ANKFN1: variants seen among roughly 807,000 people sequenced by gnomAD.
ANKFN1 encodes ankyrin repeat and fibronectin type-III domain-containing protein 1.
In ANKFN1, 74 loss-of-function variants were observed where a neutral mutation model predicts 108.7. The ratio of observed to expected loss-of-function variants is 0.68; its 90% CI spans 0.56 to 0.83. The LOEUF is 0.83. ANKFN1 is among the 40% of genes least tolerant of loss of function. The probability of loss-of-function intolerance (pLI) is 0.00; values close to 1 mark genes in which losing one functional copy is unlikely to be tolerated. For missense variants in ANKFN1, 1,505 were observed against 1,382.3 expected (o/e 1.09, Z -1.41); for synonymous variants, 547 against 516.2 (o/e 1.06, Z -0.81).
chr17:56,311,966 G>T (rs2045041719), intron 3 of ANKFN1, among the ~76,000 whole-genome samples: 1 of 152,196 alleles, frequency 6.6e-6, no homozygotes, highest in Admixed American at 6.5e-5. Context: ...TCTGATCACA[G>T]AATCTAGAAC....
chr17:56,462,421 C>G (rs905434569), intron 14 of ANKFN1, among the ~76,000 whole-genome samples: 6 of 152,088 alleles, frequency 3.9e-5, no homozygotes. Flanking sequence ...ACGGACAAAC[C>G]CCGTCTCTAC....
intron 8 of ANKFN1, among the ~76,000 whole-genome samples, chr17:56,437,615 G>A (rs2048970147): frequency 6.6e-6 from 1 of 151,960 alleles, no homozygotes; most frequent in Non-Finnish European, 1.5e-5. Flanking sequence ...CAAGCATACC[G>A]TTTTTCTTCT....
chr17:56,391,046 G>A lies in ANKFN1; in HGVS notation c.910+16332G>A, dbSNP rs117724827. Among the ~76,000 whole-genome samples the A allele has an allele frequency of 2.1e-3, 316 of 150,604 alleles. 7 individuals carry two copies. In the East Asian group the frequency reaches 0.04, roughly 19 times the overall value. ...TAATATATATAATAAAATATTTCCC[G>A]AATTTAATTTGACCATCACTGCATG... On this transcript the variant is annotated intron_variant, in intron 8 of 20. Coordinates refer to ENST00000682825, the MANE Select transcript of ANKFN1 (RefSeq NM_001370326.1).
intron 11 of ANKFN1, among the ~76,000 whole-genome samples, chr17:56,454,674 G>A (rs2049624885): frequency 6.6e-6 from 1 of 152,130 alleles, no homozygotes; most frequent in African/African-American, 2.4e-5. Flanking sequence ...TCTTAGGCTG[G>A]TCAAATTTTC....
At chr17:56,101,553 T>G (rs1905647104) in intron 4 of ANKFN1, among the ~76,000 whole-genome samples, 1 of 152,214 alleles carries the variant, frequency 6.6e-6, no homozygotes, top group South Asian at 2.1e-4. Context: ...GTGTGCTCTG[T>G]GCACCAGTGC....
intron 1 of ANKFN1, among the ~76,000 whole-genome samples, chr17:56,193,945 T>C (rs1913252169): frequency 1.3e-5 from 2 of 152,344 alleles, no homozygotes; most frequent in South Asian, 4.1e-4. Flanking sequence ...CATACAAGTT[T>C]ATTTAAAAAA....
chr17:56,259,831 A>G (rs971013067), intron 3 of ANKFN1, among the ~76,000 whole-genome samples: 1 of 151,848 alleles, frequency 6.6e-6, no homozygotes, highest in Non-Finnish European at 1.5e-5. Flanking sequence ...TTCAGCATAC[A>G]GTTTCTTTTT....
chr17:56,361,699 C>G (rs977083667), intron 6 of ANKFN1, among the ~76,000 whole-genome samples: 6 of 152,050 alleles, frequency 3.9e-5, no homozygotes, highest in Admixed American at 3.9e-4. Context: ...GGTTATGGCT[C>G]AGTCATAATC....
intron 5 of ANKFN1, 71 bp downstream of exon 5, chr17:56,351,038 A>G: frequency 6.8e-7 from 1 of 1,470,236 alleles, no homozygotes; most frequent in Middle Eastern, 1.8e-4. Context: ...GGATATTCTA[A>G]GATGATTCAT....
intron 8 of ANKFN1, among the ~76,000 whole-genome samples, chr17:56,414,827 T>C (rs2048193198): frequency 6.6e-6 from 1 of 152,110 alleles, no homozygotes; most frequent in African/African-American, 2.4e-5. Flanking sequence ...GAGACCAGCC[T>C]GGGCAACATG....
At chr17:56,321,347 G>T (rs996966431) in intron 3 of ANKFN1, among the ~76,000 whole-genome samples, 2 of 151,842 alleles carry the variant, frequency 1.3e-5, no homozygotes, top group South Asian at 2.1e-4. Flanking sequence ...CCTAAGGAAG[G>T]TCAAGAGATT....
At position 56,349,910 on chromosome 17, in the gene ANKFN1, C is replaced by T. The variant is rs181564550; in HGVS notation, c.189-856C>T. Among the ~76,000 whole-genome samples the T allele has an allele frequency of 1.4e-4, 21 of 152,256 alleles. No homozygotes were observed. The East Asian group carries it at 4.0e-3, about 29-fold the overall frequency. On this transcript the variant is annotated intron_variant, in intron 4 of 20. Coordinates refer to ENST00000682825, the MANE Select transcript of ANKFN1 (RefSeq NM_001370326.1). Reference sequence around the variant, plus strand: ...ATAATTACCTTGGCTAGTTATTTCTCTCATTCCTTTGTTCATCCAATACAT... The same window carrying T: ...ATAATTACCTTGGCTAGTTATTTCTTTCATTCCTTTGTTCATCCAATACAT...
intron 4 of ANKFN1, among the ~76,000 whole-genome samples, chr17:56,144,383 G>A (rs1451146928): frequency 6.6e-6 from 1 of 151,776 alleles, no homozygotes; most frequent in Non-Finnish European, 1.5e-5. Flanking sequence ...AGAACTATTG[G>A]GTGATGGGAA....
intron 11 of ANKFN1, 78 bp downstream of exon 11, chr17:56,449,264 T>C (rs2145201247): frequency 3.2e-6 from 3 of 947,288 alleles, no homozygotes; most frequent in Non-Finnish European, 4.8e-6. Context: ...CCTAACTGGG[T>C]CATACCTTCT....
chr17:56,136,852 A>G (rs1250904307), intron 4 of ANKFN1, among the ~76,000 whole-genome samples: 1 of 152,236 alleles, frequency 6.6e-6, no homozygotes, highest in African/African-American at 2.4e-5. Context: ...ATATCCAGAG[A>G]AACACATTTA....
rs140101020 is a variant in ANKFN1 at position 56,122,643 on chromosome 17, C to A, written c.288+76318C>A. On this transcript the variant is annotated intron_variant, in intron 4 of 12. Transcript: ENST00000635860. ...TATTGGAACTCACCACTGCTTCTTCCGCCCCTGACCAAATGCTAATGGAGG... is the reference window on the plus strand; with the variant it reads ...TATTGGAACTCACCACTGCTTCTTCAGCCCCTGACCAAATGCTAATGGAGG... 3.5e-3 allele frequency among the ~76,000 whole-genome samples: 532 copies of A among 152,278 alleles called. 6 individuals carry two copies. Among genetic ancestry groups the A allele is most frequent in the Admixed American group, 0.025 (386 of 15,296 alleles).
At chr17:56,277,990 A>G (rs2043977777) in intron 3 of ANKFN1, among the ~76,000 whole-genome samples, 1 of 152,238 alleles carries the variant, frequency 6.6e-6, no homozygotes, top group Admixed American at 6.5e-5. Flanking sequence ...AATGTCCGAT[A>G]AGGGTCATTT....
chr17:56,181,442 C>T (rs777762209), intron 1 of ANKFN1, among the ~76,000 whole-genome samples: 2 of 152,100 alleles, frequency 1.3e-5, no homozygotes, highest in Non-Finnish European at 2.9e-5. Context: ...ACAAGGAAGG[C>T]ACTGTTATGT....
At chr17:56,067,936 G>T (rs1199904341) in intron 4 of ANKFN1, among the ~76,000 whole-genome samples, 1 of 152,066 alleles carries the variant, frequency 6.6e-6, no homozygotes. Context: ...GGAATTTCTC[G>T]TCACTTCCAG....
Sources: allele counts gnomAD v4.1 joint callset (sites outside exome capture counted in the v4.1 genomes callset), GRCh38; gene constraint gnomAD v4.1.1; transcripts MANE v1.5; gene names NCBI Gene and HGNC (gene_info 2026-07-23, HGNC 2026-07-21).